PCDHA3: variants seen among roughly 807,000 people sequenced by gnomAD.
PCDHA3 encodes protocadherin alpha-3.
Under a neutral mutation model 62.2 loss-of-function variants are expected in PCDHA3, and 41 were observed. The observed-to-expected ratio is 0.66, with a 90% CI of 0.51 to 0.86. The LOEUF (loss-of-function observed/expected upper bound fraction) is 0.86. Ranked by LOEUF, PCDHA3 falls within the 40% of genes least tolerant of loss-of-function variation. The pLI, the probability that PCDHA3 is intolerant of heterozygous loss-of-function variation, is 0.00. For missense variants in PCDHA3, 1,304 were observed against 1,241.2 expected, an observed-to-expected ratio of 1.05 and a Z score of -0.76; for synonymous variants, 640 against 555.4, an observed-to-expected ratio of 1.15 and a Z score of -2.14.
At chr5:140,913,317 TTGTA>T (rs1269286947) in intron 1 of PCDHA3, among the ~76,000 whole-genome samples, 2 of 152,152 alleles carry the variant, frequency 1.3e-5, no homozygotes, top group African/African-American at 4.8e-5. Flanking sequence ...CCTTGGTAAG[TTGTA>T]TGTGTCTAGG....
intron 1 of PCDHA3, among the ~76,000 whole-genome samples, chr5:140,919,088 T>C (rs2153552205): frequency 6.6e-6 from 1 of 152,378 alleles, no homozygotes; most frequent in South Asian, 2.1e-4. Context: ...TATTGAATTG[T>C]CTATTTCTCC....
intron 1 of PCDHA3, chr5:140,828,662 C>T: frequency 6.2e-7 from 1 of 1,614,124 alleles, no homozygotes; most frequent in Non-Finnish European, 8.5e-7. Flanking sequence ...TGACAATAAA[C>T]AAATTGGGCT....
chr5:140,958,454 T>G (rs2095424871), intron 1 of PCDHA3, among the ~76,000 whole-genome samples: 1 of 152,168 alleles, frequency 6.6e-6, no homozygotes, highest in African/African-American at 2.4e-5. Flanking sequence ...CCTTTTATTC[T>G]TCAACTTCTG....
intron 1 of PCDHA3, among the ~76,000 whole-genome samples, chr5:140,912,549 A>G (rs2075971399): frequency 6.6e-6 from 1 of 152,152 alleles, no homozygotes; most frequent in East Asian, 1.9e-4. Context: ...TTGTCAGCAA[A>G]CAGCAACAGT....
intron 3 of PCDHA3, among the ~76,000 whole-genome samples, chr5:140,994,257 G>A (rs1232863771): frequency 6.6e-6 from 1 of 152,122 alleles, no homozygotes; most frequent in East Asian, 1.9e-4. Context: ...AGGTAAATAA[G>A]GTAAGCTAGG....
chr5:140,906,822 T>C (rs2072968102), intron 1 of PCDHA3, among the ~76,000 whole-genome samples: 1 of 152,142 alleles, frequency 6.6e-6, no homozygotes, highest in African/African-American at 2.4e-5. Context: ...CACTGTGGAG[T>C]AGTAGACTGA....
In PCDHA3 at chr5:141,012,060, A is replaced by T. The variant is rs919882671; in HGVS notation, c.*2123A>T. 3.9e-5 allele frequency: 6 copies of T among 153,766 alleles called. No individual in the cohort carries two copies. The highest frequency in any genetic ancestry group is 8.8e-5 in the Non-Finnish European group (6 of 68,040). 9.5% of individuals were successfully genotyped at this position (153,766 alleles called of 1,614,324 possible). ...GCATGGGGTAAAACTTGTTACCAAC[A>T]CATGTGAACCATTGCTACATTGTAG... On this transcript the variant is annotated 3_prime_UTR_variant, in exon 4 of 4. Transcript: ENST00000522353.
intron 1 of PCDHA3, among the ~76,000 whole-genome samples, chr5:140,820,175 T>G (rs1766703327): frequency 6.6e-6 from 1 of 151,982 alleles, no homozygotes; most frequent in East Asian, 1.9e-4. Context: ...AGGCAAATAG[T>G]CTGGGAAATT....
Position 140,842,609 on chromosome 5 carries a change from G to T in PCDHA3, c.2394+39018G>T, listed in dbSNP as rs2150340474. 6.2e-5 allele frequency: 99 copies of T among 1,595,866 alleles called. 3 individuals carry two copies. In the East Asian group the frequency reaches 1.8e-3, roughly 29 times the overall value. On this transcript the variant is annotated intron_variant, in intron 1 of 3. Transcript: ENST00000522353. ...TGAGTTGGTGGTAACCGCGCGGGAC[G>T]GGGGCTCGCCTTCGCTGTGGGCCAC...
chr5:140,829,852 A>C (rs2150176201), intron 1 of PCDHA3: 6 of 1,613,824 alleles, frequency 3.7e-6, no homozygotes, highest in Non-Finnish European at 5.1e-6. Flanking sequence ...CACTGGGTGC[A>C]GGCCAAGTGG....
chr5:140,857,402 C>T (rs2044569708), intron 1 of PCDHA3: 3 of 1,598,498 alleles, frequency 1.9e-6, no homozygotes, highest in Non-Finnish European at 2.6e-6. Flanking sequence ...CGACAACGCG[C>T]CTGCGTTCGC....
intron 1 of PCDHA3, among the ~76,000 whole-genome samples, chr5:140,838,461 T>C (rs2150289673): frequency 4.0e-5 from 6 of 151,692 alleles, no homozygotes; most frequent in Non-Finnish European, 7.4e-5. Context: ...ATTATTTCAT[T>C]AGCGCTTATT....
At chr5:140,884,581 C>A in intron 1 of PCDHA3, 1 of 1,614,184 alleles carries the variant, frequency 6.2e-7, no homozygotes, top group African/African-American at 1.3e-5. Context: ...ACCTCATGGC[C>A]TTCAGTCCCA....
intron 1 of PCDHA3, chr5:140,807,583 G>T (rs1554124096): frequency 3.1e-6 from 5 of 1,614,178 alleles, no homozygotes. Context: ...ACCCGCCGGT[G>T]TTCCCAGCAA....
chr5:140,971,922 G>A (rs1433994919), intron 1 of PCDHA3, among the ~76,000 whole-genome samples: 1 of 152,120 alleles, frequency 6.6e-6, no homozygotes, highest in Admixed American at 6.5e-5. Context: ...CACACTGCTA[G>A]TGTTATTTTA....
At chr5:140,947,769 A>T (rs2094173274) in intron 1 of PCDHA3, among the ~76,000 whole-genome samples, 1 of 151,626 alleles carries the variant, frequency 6.6e-6, no homozygotes, top group Non-Finnish European at 1.5e-5. Context: ...AAAAAATTCT[A>T]TTGTAAATGG....
intron 3 of PCDHA3, among the ~76,000 whole-genome samples, chr5:140,998,480 G>A (rs782244125): frequency 6.6e-6 from 1 of 151,974 alleles, no homozygotes; most frequent in Non-Finnish European, 1.5e-5. Context: ...CCACTGTGCT[G>A]TAACTCTTTG....
chr5:140,809,728 C>A lies in PCDHA3; in HGVS notation c.2394+6137C>A, dbSNP rs1178917105. Reference sequence around the variant, plus strand: ...AAAGTCTTTTGGAATTATAGGACATCAGAGCAATATATATTGCCTTCCTTC... The same window carrying A: ...AAAGTCTTTTGGAATTATAGGACATAAGAGCAATATATATTGCCTTCCTTC... On this transcript the variant is annotated intron_variant, in intron 1 of 3. Coordinates refer to ENST00000522353, the MANE Select transcript of PCDHA3 (RefSeq NM_018906.3). 4 of 799,806 alleles carry A rather than the reference C, an allele frequency of 5.0e-6. No individual in the cohort carries two copies. In the East Asian group the frequency reaches 1.1e-4, roughly 21 times the overall value. 49.5% of individuals were successfully genotyped at this position (799,806 alleles called of 1,614,324 possible).
At position 140,808,802 on chromosome 5, in the gene PCDHA3, G is replaced by A. The variant is rs533708736; in HGVS notation, c.2394+5211G>A. ...GCTGCAGTTTCAGGTGACCGCTCGC[G>A]ATGCCGGCGTGCCACCTCTGGGCAG... On this transcript the variant is annotated intron_variant, in intron 1 of 3. Transcript: ENST00000522353. The A allele has an allele frequency of 2.5e-5, 41 of 1,612,700 alleles. No individual in the cohort carries two copies. In the South Asian group the frequency reaches 4.4e-4, roughly 17 times the overall value.
Sources: allele counts gnomAD v4.1 joint callset (sites outside exome capture counted in the v4.1 genomes callset), GRCh38; gene constraint gnomAD v4.1.1; transcripts MANE v1.5; gene names NCBI Gene and HGNC (gene_info 2026-07-23, HGNC 2026-07-21).